The following CNTN5 variants were observed in gnomAD, a reference collection of about 807,000 sequenced individuals.
CNTN5 encodes contactin 5.
A neutral mutation model predicts 129.1 loss-of-function variants in CNTN5; 77 were observed. The ratio of observed to expected loss-of-function variants is 0.60; its 90% CI spans 0.50 to 0.72. The LOEUF (loss-of-function observed/expected upper bound fraction) is 0.72. CNTN5 is among the 30% of genes least tolerant of loss of function. The pLI is 0.00. For missense variants in CNTN5, 1,478 were observed against 1,328.8 expected (o/e 1.11, Z -1.75); for synonymous variants, 509 against 465.6 (o/e 1.09, Z -1.20).
chr11:99,658,407 A>C (rs527506733), intron 3 of CNTN5, among the ~76,000 whole-genome samples: 1 of 152,228 alleles, frequency 6.6e-6, no homozygotes. Context: ...TGGAGAATAT[A>C]AAATTAGAAC....
At chr11:99,559,065 G>T (rs1494471) in intron 3 of CNTN5, among the ~76,000 whole-genome samples, 1 of 151,608 alleles carries the variant, frequency 6.6e-6, no homozygotes, top group Admixed American at 6.6e-5. Flanking sequence ...TTGTTCCTTG[G>T]TTAATGCTTA....
chr11:99,582,217 A>C (rs368756282), intron 3 of CNTN5, among the ~76,000 whole-genome samples: 6 of 152,068 alleles, frequency 3.9e-5, no homozygotes, highest in Non-Finnish European at 8.8e-5. Flanking sequence ...ATGGGCTTCC[A>C]TTTGTGGGTA....
intron 2 of CNTN5, among the ~76,000 whole-genome samples, chr11:99,555,485 A>G (rs781496412): frequency 6.6e-6 from 1 of 152,018 alleles, no homozygotes; most frequent in Non-Finnish European, 1.5e-5. Context: ...AATGTGCTAT[A>G]CTGGTTATTG....
At chr11:100,034,964 CT>C (rs557718077) in intron 9 of CNTN5, among the ~76,000 whole-genome samples, 3 of 151,556 alleles carry the variant, frequency 2.0e-5, no homozygotes, top group African/African-American at 7.3e-5. Flanking sequence ...CTTTCTGTAT[CT>C]TTTTTTTTAA....
intron 3 of CNTN5, among the ~76,000 whole-genome samples, chr11:99,706,230 C>A (rs1348733497): frequency 6.6e-6 from 1 of 151,172 alleles, no homozygotes. Context: ...GAAATGCATC[C>A]TACATATTGG....
At chr11:99,644,894 T>C (rs887037198) in intron 3 of CNTN5, among the ~76,000 whole-genome samples, 2 of 152,044 alleles carry the variant, frequency 1.3e-5, no homozygotes, top group Non-Finnish European at 2.9e-5. Flanking sequence ...ATATGTAAAA[T>C]TGCACTTCGT....
rs568089283 is a variant in CNTN5 at position 99,430,354 on chromosome 11, C to CATAT, written c.-71+104881_-71+104884dup. Reference sequence around the variant, plus strand: ...AGATCCGAAAAGAGAAGTGTAAAATCATATATATATATATGTGTGCACGCA... The same window carrying CATAT: ...AGATCCGAAAAGAGAAGTGTAAAATCATATATATATATATATATGTGTGCACGCA... On this transcript the variant is annotated intron_variant, in intron 2 of 24. Coordinates refer to ENST00000524871, the MANE Select transcript of CNTN5 (RefSeq NM_014361.4). Among the ~76,000 whole-genome samples, 28 of 149,138 alleles carry CATAT rather than the reference C, an allele frequency of 1.9e-4. No homozygotes were observed. The East Asian group carries it at 4.9e-3, about 26-fold the overall frequency.
At chr11:99,279,599 T>C (rs903888967) in intron 1 of CNTN5, among the ~76,000 whole-genome samples, 2 of 151,886 alleles carry the variant, frequency 1.3e-5, no homozygotes, top group Middle Eastern at 3.4e-3. Flanking sequence ...TTGAACTGCA[T>C]TGGACTGATA....
intron 19 of CNTN5, among the ~76,000 whole-genome samples, chr11:100,298,878 A>G (rs1022919329): frequency 6.6e-6 from 1 of 151,430 alleles, no homozygotes; most frequent in African/African-American, 2.4e-5. Context: ...CATTTCATAT[A>G]CATGACTAAT....
At chr11:99,110,604 A>G (rs1156999498) in intron 1 of CNTN5, among the ~76,000 whole-genome samples, 1 of 152,112 alleles carries the variant, frequency 6.6e-6, no homozygotes, top group Non-Finnish European at 1.5e-5. Flanking sequence ...TTTCAGCAGC[A>G]CATGTTCACA....
At chr11:99,428,046 A>G (rs1943208750) in intron 2 of CNTN5, among the ~76,000 whole-genome samples, 1 of 152,014 alleles carries the variant, frequency 6.6e-6, no homozygotes, top group Admixed American at 6.6e-5. Context: ...TAGCCTAATT[A>G]TTCCTCTTTC....
At chr11:100,044,079 A>G (rs557718877) in intron 9 of CNTN5, among the ~76,000 whole-genome samples, 5 of 112,546 alleles carry the variant, frequency 4.4e-5, no homozygotes, top group South Asian at 3.1e-4. Context: ...TCTGGTGTCT[A>G]TTATTCCACA....
intron 9 of CNTN5, among the ~76,000 whole-genome samples, chr11:100,004,260 G>A (rs1343015707): frequency 6.6e-6 from 1 of 152,116 alleles, no homozygotes; most frequent in African/African-American, 2.4e-5. Context: ...ATTCCTTGTA[G>A]AGTGTTATAA....
intron 3 of CNTN5, among the ~76,000 whole-genome samples, chr11:99,690,108 T>A (rs544316666): frequency 3.3e-5 from 5 of 152,110 alleles, no homozygotes; most frequent in Non-Finnish European, 7.4e-5. Context: ...TTTTTGTATA[T>A]GGTGTAAGGA....
intron 16 of CNTN5, among the ~76,000 whole-genome samples, chr11:100,238,234 T>C (rs1272625128): frequency 6.6e-6 from 1 of 151,658 alleles, no homozygotes; most frequent in Non-Finnish European, 1.5e-5. Flanking sequence ...TGAATTTCAG[T>C]AGTTTAATTA....
At chr11:99,797,739 G>A (rs533401892) in intron 3 of CNTN5, among the ~76,000 whole-genome samples, 90 of 152,142 alleles carry the variant, frequency 5.9e-4, no homozygotes, top group African/African-American at 1.8e-3. Context: ...TGTTTACTCT[G>A]CTGGTTTATT....
At chr11:99,168,255 T>A (rs1362741324) in intron 1 of CNTN5, among the ~76,000 whole-genome samples, 2 of 152,096 alleles carry the variant, frequency 1.3e-5, no homozygotes, top group African/African-American at 4.8e-5. Context: ...TATGAATGTA[T>A]TTTTGTACAG....
intron 3 of CNTN5, among the ~76,000 whole-genome samples, chr11:99,751,508 T>G (rs1944234759): frequency 6.6e-6 from 1 of 152,170 alleles, no homozygotes; most frequent in African/African-American, 2.4e-5. Flanking sequence ...TATTCAATAA[T>G]TTATATTTTC....
intron 1 of CNTN5, among the ~76,000 whole-genome samples, chr11:99,123,402 T>G (rs534862741): frequency 3.3e-5 from 5 of 152,126 alleles, no homozygotes; most frequent in Admixed American, 3.3e-4. Context: ...TTGTTTGTTT[T>G]TTGCTTGTAC....
Sources: allele counts gnomAD v4.1 joint callset (sites outside exome capture counted in the v4.1 genomes callset), GRCh38; gene constraint gnomAD v4.1.1; transcripts MANE v1.5; gene names NCBI Gene and HGNC (gene_info 2026-07-23, HGNC 2026-07-21).